TTC17: variants seen among roughly 807,000 people sequenced by gnomAD.
TTC17 encodes tetratricopeptide repeat domain 17.
TTC17 carries 58 observed loss-of-function variants against 143.8 expected under a neutral mutation model. The observed-to-expected ratio is 0.40, with a 90% confidence interval of 0.33 to 0.50. TTC17 has a LOEUF of 0.50. Among genes scored for constraint, TTC17 ranks in the 20% least tolerant of loss-of-function variants. The pLI, the probability that TTC17 is intolerant of heterozygous loss-of-function variation, is 0.49. For missense variants in TTC17, 1,273 were observed against 1,392.5 expected (o/e 0.91, Z 1.37); for synonymous variants, 501 against 497.8 (o/e 1.01, Z -0.09).
At chr11:43,479,581 C>T (rs900609606) in intron 21 of TTC17, among the ~76,000 whole-genome samples, 5 of 152,208 alleles carry the variant, frequency 3.3e-5, no homozygotes, top group Admixed American at 1.3e-4. Context: ...TACCTACATA[C>T]ATTATAGTAG....
rs568074671 is a variant in TTC17 at position 43,451,071 on chromosome 11, C to G, written c.2947-111C>G. 9.4e-6 allele frequency: 9 copies of G among 958,628 alleles called. No individual in the cohort carries two copies. The African/African-American group carries it at 1.3e-4, about 14-fold the overall frequency. 59.4% of individuals were successfully genotyped at this position (958,628 alleles called of 1,614,324 possible). On this transcript the variant is annotated intron_variant, in intron 20 of 23. Coordinates refer to ENST00000039989, the MANE Select transcript of TTC17 (RefSeq NM_018259.6). ...TTACCAATAGGACCACAGCATGTAT[C>G]CCAGAAAAACAGTTTGCCTCTGTGG...
At chr11:43,400,458 G>A (rs754910887) in intron 9 of TTC17, among the ~76,000 whole-genome samples, 3 of 152,042 alleles carry the variant, frequency 2.0e-5, no homozygotes, top group Non-Finnish European at 4.4e-5. Flanking sequence ...GCTTGTTGCC[G>A]CAGGTCTAAA....
chr11:43,365,250 A>G (rs2862931), intron 1 of TTC17, among the ~76,000 whole-genome samples: 149,591 of 152,278 alleles, frequency 0.98, 73,530 homozygotes, highest in East Asian at 1. Flanking sequence ...ACAAGTGCAT[A>G]CCACCACACC....
intron 2 of TTC17, among the ~76,000 whole-genome samples, chr11:43,383,923 T>C (rs1360025748): frequency 6.6e-6 from 1 of 151,770 alleles, no homozygotes; most frequent in Non-Finnish European, 1.5e-5. Context: ...TCCTAGTACT[T>C]TGGGAGGCTA....
Position 43,492,175 on chromosome 11 carries a change from G to A in TTC17, c.3294+12G>A. 1.2e-6 allele frequency: 2 copies of A among 1,613,736 alleles called. No homozygotes were observed. The highest frequency in any genetic ancestry group is 2.2e-5 in the South Asian group (2 of 91,022). ...TCTACGTGGCAATGGTGAGATGGGG[G>A]TGTGAGCAGTATGTACCAACTCTGC... is the stretch of plus-strand genomic sequence containing the variant. On this transcript the variant is annotated intron_variant, in intron 23 of 23. Coordinates refer to ENST00000039989, the MANE Select transcript of TTC17 (RefSeq NM_018259.6).
intron 21 of TTC17, among the ~76,000 whole-genome samples, chr11:43,482,135 T>G (rs1321595137): frequency 1.3e-5 from 2 of 152,070 alleles, no homozygotes; most frequent in African/African-American, 4.8e-5. Context: ...AGTTTGAGGA[T>G]CCACTGACTT....
At chr11:43,411,638 A>G (rs1393546778) in intron 15 of TTC17, among the ~76,000 whole-genome samples, 1 of 152,204 alleles carries the variant, frequency 6.6e-6, no homozygotes, top group Non-Finnish European at 1.5e-5. Flanking sequence ...ATGAAGTTCA[A>G]CTTTTTTTCC....
At chr11:43,373,434 C>T (rs373211291) in intron 1 of TTC17, among the ~76,000 whole-genome samples, 7 of 152,020 alleles carry the variant, frequency 4.6e-5, no homozygotes, top group African/African-American at 1.4e-4. Context: ...CGCCATTCTC[C>T]TGCCTCAGCC....
chr11:43,435,913 TGTTACA>T (rs1488574196), intron 16 of TTC17, among the ~76,000 whole-genome samples: 1 of 152,228 alleles, frequency 6.6e-6, no homozygotes, highest in African/African-American at 2.4e-5. Flanking sequence ...TGATCTTTGT[TGTTACA>T]GTTGTTTTTC....
At position 43,389,778 on chromosome 11, in the gene TTC17, C is replaced by G; in HGVS notation, c.376C>G (p.Leu126Val). 1 of 1,613,622 alleles carries G rather than the reference C, an allele frequency of 6.2e-7. No homozygotes were observed. The highest frequency in any genetic ancestry group is 8.5e-7 in the Non-Finnish European group (1 of 1,179,878). The part of the protein sequence containing the change: ...KAKVPLGDLD[L>V]YDGTYITLES... ...CAAGGTGCCCTTAGGGGACCTGGAT[C>G]TATATGATGGCACATACATAACTTT... is the stretch of plus-strand genomic sequence containing the variant. Residue 126 changes from leucine (L) to valine (V), a missense_variant, in exon 3 of 24, where the codon CTA (leucine) becomes GTA (valine). By Grantham distance (32) the Leu-to-Val change is conservative. Coordinates refer to ENST00000039989, the MANE Select transcript of TTC17 (RefSeq NM_018259.6).
At chr11:43,388,542 T>A (rs575890955) in intron 2 of TTC17, among the ~76,000 whole-genome samples, 102 of 149,166 alleles carry the variant, frequency 6.8e-4, no homozygotes, top group African/African-American at 2.3e-3. Flanking sequence ...TTTTTTCTTT[T>A]AAAAAAAAAA....
chr11:43,441,811 A>G (rs1386747489), intron 16 of TTC17, among the ~76,000 whole-genome samples: 2 of 152,226 alleles, frequency 1.3e-5, no homozygotes, highest in Non-Finnish European at 2.9e-5. Context: ...CCTCTCTCTC[A>G]GAATTTTTAA....
intron 21 of TTC17, among the ~76,000 whole-genome samples, chr11:43,479,274 A>G (rs964874167): frequency 2.0e-5 from 3 of 152,008 alleles, no homozygotes; most frequent in Non-Finnish European, 4.4e-5. Flanking sequence ...TTATTTTTGT[A>G]TATACTTGAA....
At chr11:43,481,467 T>C (rs1187434073) in intron 21 of TTC17, among the ~76,000 whole-genome samples, 1 of 152,218 alleles carries the variant, frequency 6.6e-6, no homozygotes. Flanking sequence ...AGAGAATTCC[T>C]TAATATTTGA....
intron 22 of TTC17, 144 bp downstream of exon 22, chr11:43,490,502 A>AC: frequency 7.7e-7 from 1 of 1,298,510 alleles, no homozygotes; most frequent in African/African-American, 1.5e-5. Context: ...AGACCTTCTG[A>AC]CTGGGCTTGT....
In TTC17 at chr11:43,403,982, T is replaced by C. The variant is rs537697998; in HGVS notation, c.1333-16T>C. The C allele has an allele frequency of 7.0e-6, 11 of 1,573,340 alleles. No individual in the cohort carries two copies. Among genetic ancestry groups the C allele is most frequent in the Non-Finnish European group, 9.5e-6 (11 of 1,159,314 alleles). On this transcript the variant is annotated splice_polypyrimidine_tract_variant and intron_variant, in intron 10 of 23. Coordinates refer to ENST00000039989, the MANE Select transcript of TTC17 (RefSeq NM_018259.6). ...TCCACTTTCAATTTGATTGAACTTT[T>C]TGTTTCATTTTCTAGTTTGGTGAGG...
At position 43,358,943 on chromosome 11, in the gene TTC17, C is replaced by CA. The variant is rs1554980959; in HGVS notation, c.-12_-11insA. On this transcript the variant is annotated 5_prime_UTR_variant, in exon 1 of 24. Transcript: ENST00000039989. ...CCGCTTCCGGTGTGAGCGGCCCGGC[C>CA]GGGGGGGCAAGATGGCGGCGGCAGT... The CA allele has an allele frequency of 2.6e-6, 4 of 1,567,168 alleles. No homozygotes were observed. The highest frequency in any genetic ancestry group is 1.4e-5 in the African/African-American group (1 of 71,536).
rs902077116 is a variant in TTC17, at chr11:43,406,764, T to A, written c.1762-374T>A. On this transcript the variant is annotated intron_variant, in intron 13 of 23. Transcript: ENST00000039989. ...GCTGCAGGAACATGAAGTAGAATAA[T>A]TGAGTATCTGGTATTTTCCAGGAAG... Among the ~76,000 whole-genome samples, 3 of 152,158 alleles carry A rather than the reference T, an allele frequency of 2.0e-5. No individual in the cohort carries two copies. The East Asian group carries it at 5.8e-4, about 29-fold the overall frequency.
intron 21 of TTC17, among the ~76,000 whole-genome samples, chr11:43,463,488 A>T (rs563875051): frequency 1.3e-5 from 2 of 152,132 alleles, no homozygotes; most frequent in African/African-American, 4.8e-5. Flanking sequence ...AGAGAATTTT[A>T]AAAGAAAATA....
Sources: gnomAD v4.1 joint callset for allele counts (sites outside exome capture counted in the v4.1 genomes callset) on GRCh38, gnomAD v4.1.1 for gene constraint, MANE v1.5 for transcripts, NCBI Gene and HGNC (gene_info 2026-07-23, HGNC 2026-07-21) for gene names.